Variants in CTNNA2 observed in about 807,000 individuals in gnomAD.
CTNNA2 encodes the protein catenin alpha-2.
A neutral mutation model predicts 101.0 loss-of-function variants in CTNNA2; 42 were observed. The ratio of observed to expected loss-of-function variants is 0.42; its 90% CI spans 0.32 to 0.54. The LOEUF is 0.54. CTNNA2 is among the 20% of genes least tolerant of loss of function. The probability of loss-of-function intolerance (pLI) is 0.14; values close to 1 mark genes in which losing one functional copy is unlikely to be tolerated. For missense variants in CTNNA2, 871 were observed against 1,223.1 expected, an observed-to-expected ratio of 0.71 and a Z score of 4.29; for synonymous variants, 450 against 456.4, an observed-to-expected ratio of 0.99 and a Z score of 0.18.
chr2:79,613,743 C>G (rs936610885), intron 1 of CTNNA2, among the ~76,000 whole-genome samples: 3 of 152,148 alleles, frequency 2.0e-5, no homozygotes, highest in Non-Finnish European at 4.4e-5. Context: ...AAGTCTCCAA[C>G]TCCTGATCTC....
At position 79,371,808 on chromosome 2, in the gene CTNNA2, T is replaced by C. The variant is rs538554718; in HGVS notation, c.-317-2023T>C. On this transcript the variant is annotated intron_variant, in intron 3 of 21. Coordinates refer to the CTNNA2 transcript ENST00000466387. ...ACCCTTAATGATTCTGATCCTTTAG[T>C]TTTCAATGAAACCCGGAAATCTGCA... 2.6e-5 allele frequency among the ~76,000 whole-genome samples: 4 copies of C among 152,164 alleles called. No individual in the cohort carries two copies. In the South Asian group the frequency reaches 8.3e-4, roughly 32 times the overall value.
rs151218062 is a variant in CTNNA2 at position 79,469,546 on chromosome 2, C to T, written c.-134-35508C>T. Among the ~76,000 whole-genome samples, 378 of 152,100 alleles carry T rather than the reference C, an allele frequency of 2.5e-3. 5 individuals are homozygous for T. In the East Asian group the frequency reaches 0.043, roughly 17 times the overall value. On this transcript the variant is annotated intron_variant, in intron 4 of 21. Coordinates refer to the CTNNA2 transcript ENST00000466387. ...TCATTTTATGAGGCCAGCATCATCCCGATACCAAAGCCCAGCAGAGACACA... is the reference window on the plus strand; with the variant it reads ...TCATTTTATGAGGCCAGCATCATCCTGATACCAAAGCCCAGCAGAGACACA...
At chr2:79,619,705 C>CA (rs1204791034) in intron 1 of CTNNA2, among the ~76,000 whole-genome samples, 1 of 152,108 alleles carries the variant, frequency 6.6e-6, no homozygotes, top group African/African-American at 2.4e-5. Flanking sequence ...ATCACCACTC[C>CA]ACTCATATTA....
intron 7 of CTNNA2, among the ~76,000 whole-genome samples, chr2:79,952,654 G>A (rs577959573): frequency 6.6e-6 from 1 of 152,296 alleles, no homozygotes; most frequent in East Asian, 1.9e-4. Context: ...CCTAGTCTGG[G>A]AATATTCTGA....
intron 7 of CTNNA2, among the ~76,000 whole-genome samples, chr2:80,116,733 C>G (rs113896709): frequency 1.6e-4 from 25 of 152,236 alleles, no homozygotes; most frequent in African/African-American, 5.1e-4. Flanking sequence ...AGAACAGGCT[C>G]AGGGAAGATG....
At position 80,420,855 on chromosome 2, in the gene CTNNA2, T is replaced by C. The variant is rs550453532; in HGVS notation, c.1290+1254T>C. Among the ~76,000 whole-genome samples, 10 of 152,312 alleles carry C rather than the reference T, an allele frequency of 6.6e-5. No individual in the cohort carries two copies. The East Asian group carries it at 1.9e-3, about 29-fold the overall frequency. On this transcript the variant is annotated intron_variant, in intron 9 of 18. Transcript: ENST00000402739. The stretch of plus-strand genomic sequence containing the variant: ...CTATGTGCAAAAGCCTTGGCCACAA[T>C]AATGGAAGCTTTGAACTTCCTGCTG...
chr2:80,383,399 G>A (rs1410964194), intron 7 of CTNNA2, among the ~76,000 whole-genome samples: 2 of 152,126 alleles, frequency 1.3e-5, no homozygotes, highest in Non-Finnish European at 2.9e-5. Flanking sequence ...TGTCTTAAGA[G>A]TTTCATCCTG....
intron 7 of CTNNA2, among the ~76,000 whole-genome samples, chr2:80,167,399 C>T (rs1704771728): frequency 6.6e-6 from 1 of 152,046 alleles, no homozygotes; most frequent in Non-Finnish European, 1.5e-5. Context: ...AGCTTTATCC[C>T]TTTGGTGCTT....
chr2:80,637,383 C>A (rs957231743), intron 18 of CTNNA2, among the ~76,000 whole-genome samples: 5 of 151,426 alleles, frequency 3.3e-5, no homozygotes, highest in African/African-American at 1.2e-4. Context: ...GTGATCCATC[C>A]AGTCAAGGTT....
chr2:80,056,107 C>T (rs74974487), intron 7 of CTNNA2, among the ~76,000 whole-genome samples: 3,905 of 152,254 alleles, frequency 0.026, 158 homozygotes, highest in African/African-American at 0.087. Flanking sequence ...CAGAAATCCA[C>T]ATTTCTGATG....
chr2:80,633,690 C>T (rs746756661), intron 18 of CTNNA2, among the ~76,000 whole-genome samples: 42 of 152,206 alleles, frequency 2.8e-4, no homozygotes, highest in East Asian at 2.3e-3. Context: ...TTCTCTATTT[C>T]GGTTTTCTCA....
intron 7 of CTNNA2, among the ~76,000 whole-genome samples, chr2:80,098,830 G>T (rs576459960): frequency 6.6e-6 from 1 of 152,324 alleles, no homozygotes; most frequent in Admixed American, 6.5e-5. Flanking sequence ...ACCTCCTGGT[G>T]TGCCGTTTGT....
At chr2:80,599,818 C>T (rs746298140) in intron 15 of CTNNA2, among the ~76,000 whole-genome samples, 6 of 151,808 alleles carry the variant, frequency 4.0e-5, no homozygotes, top group Non-Finnish European at 8.8e-5. Flanking sequence ...TACACGTGCA[C>T]AATGTGCCGA....
chr2:79,943,068 T>G (rs1574371585), intron 7 of CTNNA2, among the ~76,000 whole-genome samples: 1 of 151,916 alleles, frequency 6.6e-6, no homozygotes, highest in African/African-American at 2.4e-5. Context: ...AATAAAAAAA[T>G]TAGCTGGGCA....
At chr2:80,481,090 T>G (rs1193078967) in intron 9 of CTNNA2, among the ~76,000 whole-genome samples, 1 of 152,148 alleles carries the variant, frequency 6.6e-6, no homozygotes, top group African/African-American at 2.4e-5. Context: ...GGACATTCCT[T>G]TTCATTACTA....
chr2:79,346,138 G>T (rs941083735), intron 3 of CTNNA2, among the ~76,000 whole-genome samples: 1 of 152,134 alleles, frequency 6.6e-6, no homozygotes, highest in Non-Finnish European at 1.5e-5. Context: ...AGACTGTCTA[G>T]AAACATGATT....
chr2:79,375,771 G>C (rs977111981), intron 4 of CTNNA2, among the ~76,000 whole-genome samples: 1 of 152,126 alleles, frequency 6.6e-6, no homozygotes, highest in South Asian at 2.1e-4. Context: ...AAACATATGA[G>C]CCACTTCAAA....
chr2:80,196,449 TG>T (rs1255790426), intron 7 of CTNNA2, among the ~76,000 whole-genome samples: 1 of 152,210 alleles, frequency 6.6e-6, no homozygotes, highest in Non-Finnish European at 1.5e-5. Context: ...CACAGAAACT[TG>T]CATGTCACAA....
At chr2:79,391,957 T>G (rs997004068) in intron 4 of CTNNA2, among the ~76,000 whole-genome samples, 4 of 152,156 alleles carry the variant, frequency 2.6e-5, no homozygotes, top group African/African-American at 7.2e-5. Context: ...CATTCCTCTG[T>G]GCGCTCACTT....
Sources: allele counts gnomAD v4.1 joint callset (sites outside exome capture counted in the v4.1 genomes callset), GRCh38; gene constraint gnomAD v4.1.1; transcripts MANE v1.5; gene names NCBI Gene and HGNC (gene_info 2026-07-23, HGNC 2026-07-21).